The following MIR2052HG variants were observed in gnomAD, a reference collection of about 807,000 sequenced individuals.
MIR2052HG encodes MIR2052 host gene.
At chr8:74,607,024 A>C (rs1808121370) in intron 1 of MIR2052HG, among the ~76,000 whole-genome samples, 1 of 152,046 alleles carries the variant, frequency 6.6e-6, no homozygotes. Flanking sequence ...ACTAAAAGGC[A>C]AAAAAATTGA....
chr8:74,725,964 C>T (rs576275086), intron 4 of MIR2052HG, among the ~76,000 whole-genome samples: 6 of 152,106 alleles, frequency 3.9e-5, no homozygotes, highest in East Asian at 1.9e-4. Flanking sequence ...GAGGCTGAGG[C>T]GGGCAGATCA....
intron 2 of MIR2052HG, among the ~76,000 whole-genome samples, chr8:74,666,886 A>T (rs1192788647): frequency 6.6e-6 from 1 of 151,968 alleles, no homozygotes; most frequent in African/African-American, 2.4e-5. Flanking sequence ...CCTACTTGGG[A>T]TTTCTCATGA....
chr8:74,647,279 C>T (rs1186633984), intron 2 of MIR2052HG, among the ~76,000 whole-genome samples: 2 of 152,108 alleles, frequency 1.3e-5, no homozygotes, highest in Non-Finnish European at 2.9e-5. Flanking sequence ...AGGTTTTAGG[C>T]AAAAGCTATG....
At chr8:74,721,524 T>G (rs747537994) in intron 4 of MIR2052HG, among the ~76,000 whole-genome samples, 19 of 152,298 alleles carry the variant, frequency 1.2e-4, no homozygotes, top group Non-Finnish European at 2.5e-4. Flanking sequence ...GTTGGAGGTT[T>G]TGGTGCTTTT....
chr8:74,661,027 T>C (rs1325213400), intron 2 of MIR2052HG, among the ~76,000 whole-genome samples: 1 of 152,092 alleles, frequency 6.6e-6, no homozygotes, highest in Non-Finnish European at 1.5e-5. Context: ...AAAAATCTGC[T>C]CTGTCAGCAA....
intron 2 of MIR2052HG, among the ~76,000 whole-genome samples, chr8:74,639,975 C>A (rs957562700): frequency 6.6e-6 from 1 of 152,164 alleles, no homozygotes; most frequent in African/African-American, 2.4e-5. Context: ...GTGGTACTTA[C>A]GTGGGTTTTG....
intron 2 of MIR2052HG, among the ~76,000 whole-genome samples, chr8:74,653,225 C>G (rs372162671): frequency 6.6e-6 from 1 of 152,154 alleles, no homozygotes; most frequent in African/African-American, 2.4e-5. Context: ...ATCACCATGT[C>G]AAACCATAAT....
At chr8:74,632,653 A>G (rs1808527383) in intron 2 of MIR2052HG, among the ~76,000 whole-genome samples, 1 of 152,208 alleles carries the variant, frequency 6.6e-6, no homozygotes, top group African/African-American at 2.4e-5. Context: ...TATATTTGGT[A>G]TGACTTTAAT....
chr8:74,632,038 C>T (rs1428155653), intron 2 of MIR2052HG, among the ~76,000 whole-genome samples: 4 of 152,108 alleles, frequency 2.6e-5, no homozygotes, highest in Non-Finnish European at 5.9e-5. Context: ...CCATAGCAGC[C>T]TCCTTATTTT....
intron 2 of MIR2052HG, among the ~76,000 whole-genome samples, chr8:74,679,799 C>A (rs1301887662): frequency 6.6e-6 from 1 of 152,012 alleles, no homozygotes; most frequent in Non-Finnish European, 1.5e-5. Context: ...ATCTTGGCCT[C>A]CCAAAGTGCT....
At chr8:74,706,928 G>A (rs375408269) in intron 4 of MIR2052HG, among the ~76,000 whole-genome samples, 5 of 152,004 alleles carry the variant, frequency 3.3e-5, no homozygotes, top group East Asian at 1.9e-4. Context: ...CGGGTGAGGC[G>A]TGCCCATTTT....
chr8:74,628,902 A>T (rs1018914515), intron 2 of MIR2052HG: 5 of 149,810 alleles, frequency 3.3e-5, no homozygotes, highest in Admixed American at 6.7e-5. Flanking sequence ...GAAAAAAAAA[A>T]TTGGTATCTT....
chr8:74,603,332 T>C (rs1233017584), intron 1 of MIR2052HG: 10 of 1,608,732 alleles, frequency 6.2e-6, no homozygotes, highest in Non-Finnish European at 7.6e-6. Flanking sequence ...AGCCTGACAT[T>C]GATTAGATAT....
chr8:74,608,251 G>A (rs1808141522), intron 1 of MIR2052HG, among the ~76,000 whole-genome samples: 1 of 152,126 alleles, frequency 6.6e-6, no homozygotes, highest in Non-Finnish European at 1.5e-5. Context: ...GAGTGTCTGG[G>A]GAAGAAGATG....
intron 3 of MIR2052HG, chr8:74,703,481 C>T (rs758312612): frequency 5.4e-5 from 14 of 257,058 alleles, no homozygotes; most frequent in Non-Finnish European, 7.8e-5. Flanking sequence ...GGCACCCAAA[C>T]GATGACTGTA....
chr8:74,600,073 G>A (rs1807968395), intron 1 of MIR2052HG, among the ~76,000 whole-genome samples: 1 of 152,208 alleles, frequency 6.6e-6, no homozygotes, highest in African/African-American at 2.4e-5. Flanking sequence ...GCAATGCCTC[G>A]CCGTGCTTCG....
chr8:74,604,183 T>G (rs1158149519), intron 1 of MIR2052HG: 2 of 896,562 alleles, frequency 2.2e-6, no homozygotes, highest in Non-Finnish European at 3.8e-6. Context: ...TTCCTTTCCA[T>G]GCATAAGTAG....
intron 5 of MIR2052HG, among the ~76,000 whole-genome samples, chr8:74,755,236 A>G (rs1160080626): frequency 6.6e-6 from 1 of 152,250 alleles, no homozygotes; most frequent in Non-Finnish European, 1.5e-5. Context: ...TGGTCTTTAC[A>G]GTGACGTTTA....
chr8:74,747,090 C>G (rs1440987783), intron 4 of MIR2052HG, among the ~76,000 whole-genome samples: 7 of 152,070 alleles, frequency 4.6e-5, no homozygotes, highest in African/African-American at 9.7e-5. Flanking sequence ...TATACATATA[C>G]TCTAGATGTG....
Sources: gnomAD v4.1 joint callset for allele counts (sites outside exome capture counted in the v4.1 genomes callset) on GRCh38, gnomAD v4.1.1 for gene constraint, MANE v1.5 for transcripts, NCBI Gene and HGNC (gene_info 2026-07-23, HGNC 2026-07-21) for gene names.